Variants in PTPRD observed in about 807,000 individuals in gnomAD.
The protein encoded by PTPRD is receptor-type tyrosine-protein phosphatase delta.
Under a neutral mutation model 214.5 loss-of-function variants are expected in PTPRD, and 34 were observed. The ratio of observed to expected loss-of-function variants is 0.16; its 90% CI spans 0.12 to 0.21. The LOEUF (loss-of-function observed/expected upper bound fraction) is 0.21, where lower values mean the gene tolerates loss of function less well. Ranked by LOEUF, PTPRD falls within the 10% of genes least tolerant of loss-of-function variation. The pLI, the probability that PTPRD is intolerant of heterozygous loss-of-function variation, is 1.00. For missense variants in PTPRD, 2,545 were observed against 2,398.7 expected (o/e 1.06, Z -1.27); for synonymous variants, 1,128 against 845.7 (o/e 1.33, Z -5.79).
chr9:9,878,079 G>C (rs937372857), intron 5 of PTPRD, among the ~76,000 whole-genome samples: 2 of 151,426 alleles, frequency 1.3e-5, no homozygotes, highest in African/African-American at 4.9e-5. Flanking sequence ...ATCAGATAAA[G>C]GACCCTGCCA....
chr9:8,541,287 T>A (rs1404568015), intron 14 of PTPRD, among the ~76,000 whole-genome samples: 3 of 152,176 alleles, frequency 2.0e-5, no homozygotes, highest in African/African-American at 7.2e-5. Context: ...TGGACTGCAA[T>A]GGTGCAATCA....
intron 9 of PTPRD, among the ~76,000 whole-genome samples, chr9:9,296,261 T>C (rs1443685390): frequency 6.6e-6 from 1 of 151,790 alleles, no homozygotes; most frequent in African/African-American, 2.4e-5. Context: ...TTTGACTTTA[T>C]ATCTCCTTGG....
intron 14 of PTPRD, among the ~76,000 whole-genome samples, chr9:8,600,463 T>G (rs2094784699): frequency 6.6e-6 from 1 of 151,780 alleles, no homozygotes; most frequent in African/African-American, 2.4e-5. Flanking sequence ...CACCCCTCCA[T>G]CAACACCAGG....
At chr9:9,899,760 T>C (rs2075938389) in intron 5 of PTPRD, among the ~76,000 whole-genome samples, 1 of 152,060 alleles carries the variant, frequency 6.6e-6, no homozygotes, top group Non-Finnish European at 1.5e-5. Context: ...CCATTTTGGT[T>C]ACAGCACTAT....
intron 12 of PTPRD, among the ~76,000 whole-genome samples, chr9:8,678,753 G>A (rs2097489164): frequency 6.6e-6 from 1 of 152,056 alleles, no homozygotes. Flanking sequence ...TGTATAAAAT[G>A]ACATATTTTT....
chr9:8,644,862 C>T (rs749791649), intron 12 of PTPRD, among the ~76,000 whole-genome samples: 2 of 152,126 alleles, frequency 1.3e-5, no homozygotes, highest in East Asian at 1.9e-4. Flanking sequence ...GGATCCAGGC[C>T]GGTAGTGTGA....
intron 3 of PTPRD, among the ~76,000 whole-genome samples, chr9:10,104,568 A>G (rs1269249662): frequency 6.6e-6 from 1 of 151,756 alleles, no homozygotes; most frequent in Non-Finnish European, 1.5e-5. Context: ...TTTGCATAGC[A>G]ATTGTGTATA....
intron 3 of PTPRD, among the ~76,000 whole-genome samples, chr9:10,311,579 C>G (rs1280863888): frequency 2.6e-5 from 4 of 151,960 alleles, no homozygotes; most frequent in Non-Finnish European, 5.9e-5. Flanking sequence ...TATTTAGCAA[C>G]TATTTATTGT....
chr9:10,341,480 T>G (rs1446080359), intron 2 of PTPRD, among the ~76,000 whole-genome samples: 3 of 151,966 alleles, frequency 2.0e-5, no homozygotes, highest in Admixed American at 6.6e-5. Flanking sequence ...CAGACATTAA[T>G]GTTTTGCGTT....
At chr9:10,474,385 G>C (rs1199589757) in intron 2 of PTPRD, among the ~76,000 whole-genome samples, 1 of 151,024 alleles carries the variant, frequency 6.6e-6, no homozygotes, top group African/African-American at 2.4e-5. Flanking sequence ...GGTCAAAAGA[G>C]ACAAAGAAGG....
chr9:10,020,109 G>T (rs2096818238), intron 4 of PTPRD, among the ~76,000 whole-genome samples: 1 of 152,086 alleles, frequency 6.6e-6, no homozygotes, highest in Admixed American at 6.5e-5. Flanking sequence ...ATTTGAAGAA[G>T]TTAAATATTT....
intron 2 of PTPRD, among the ~76,000 whole-genome samples, chr9:10,594,961 G>T (rs1349672907): frequency 6.6e-6 from 1 of 151,976 alleles, no homozygotes; most frequent in Non-Finnish European, 1.5e-5. Flanking sequence ...TTGTTGGGGT[G>T]GGGCAACTTC....
intron 11 of PTPRD, among the ~76,000 whole-genome samples, chr9:8,794,156 G>A (rs2096332357): frequency 6.6e-6 from 1 of 152,094 alleles, no homozygotes; most frequent in Admixed American, 6.6e-5. Context: ...AAAGACATCA[G>A]GAAAAGGAAG....
chr9:8,722,332 G>A (rs2098509380), intron 12 of PTPRD, among the ~76,000 whole-genome samples: 1 of 151,972 alleles, frequency 6.6e-6, no homozygotes, highest in East Asian at 1.9e-4. Context: ...AATTGCTCCT[G>A]GTAGGCAAGG....
chr9:9,349,925 T>A (rs2050457690), intron 9 of PTPRD, among the ~76,000 whole-genome samples: 1 of 152,124 alleles, frequency 6.6e-6, no homozygotes, highest in African/African-American at 2.4e-5. Flanking sequence ...ACTGTCTATA[T>A]TTAACTTTCA....
intron 3 of PTPRD, among the ~76,000 whole-genome samples, chr9:10,285,605 CTTTTTTTTTTT>C (rs34225956): frequency 1.8e-3 from 192 of 104,070 alleles, no homozygotes; most frequent in Admixed American, 1.3e-3. Flanking sequence ...GGGGTCTCAT[CTTTTTTTTTTT>C]TTTTTTTTTT....
intron 11 of PTPRD, among the ~76,000 whole-genome samples, chr9:8,847,395 C>T (rs2154539988): frequency 6.6e-6 from 1 of 152,108 alleles, no homozygotes; most frequent in East Asian, 1.9e-4. Context: ...TAAAAAAGTA[C>T]ACCCTGCTTC....
intron 4 of PTPRD, among the ~76,000 whole-genome samples, chr9:10,024,446 A>G (rs1427459398): frequency 1.3e-5 from 2 of 152,146 alleles, no homozygotes; most frequent in Non-Finnish European, 2.9e-5. Flanking sequence ...CTTTTATAGT[A>G]ATTGTATAAT....
intron 12 of PTPRD, among the ~76,000 whole-genome samples, chr9:8,690,363 T>C (rs2097777478): frequency 6.6e-6 from 1 of 151,300 alleles, no homozygotes; most frequent in African/African-American, 2.4e-5. Flanking sequence ...CTGTCTCTAC[T>C]AAAAATATAA....
Sources: gnomAD v4.1 joint callset for allele counts (sites outside exome capture counted in the v4.1 genomes callset) on GRCh38, gnomAD v4.1.1 for gene constraint, MANE v1.5 for transcripts, NCBI Gene and HGNC (gene_info 2026-07-23, HGNC 2026-07-21) for gene names.